The following PDE4D variants were observed in gnomAD, a reference collection of about 807,000 sequenced individuals.
PDE4D encodes the protein phosphodiesterase 4D, also known as 3',5'-cyclic-AMP phosphodiesterase 4D.
PDE4D carries 24 observed loss-of-function variants against 87.4 expected under a neutral mutation model. That is an observed-to-expected ratio of 0.27 (90% confidence interval 0.20 to 0.39). PDE4D has a LOEUF of 0.39. PDE4D is among the 10% of genes least tolerant of loss of function. The pLI, the probability that PDE4D is intolerant of heterozygous loss-of-function variation, is 1.00. For synonymous variants in PDE4D, 384 were observed against 383.2 expected (o/e 1.00, Z -0.02); for missense variants, 714 against 1,041.0 (o/e 0.69, Z 4.32).
At chr5:60,306,764 T>C (rs1754534320) in intron 1 of PDE4D, among the ~76,000 whole-genome samples, 1 of 151,976 alleles carries the variant, frequency 6.6e-6, no homozygotes, top group Non-Finnish European at 1.5e-5. Context: ...TAAGAAAACA[T>C]GAAGTGATGA....
At chr5:59,195,689 A>G (rs1002686358) in intron 2 of PDE4D, among the ~76,000 whole-genome samples, 1 of 152,212 alleles carries the variant, frequency 6.6e-6, no homozygotes, top group Non-Finnish European at 1.5e-5. Context: ...CATCTGTAAA[A>G]TGGAGATAAC....
chr5:60,373,528 T>C (rs1486179170), intron 1 of PDE4D, among the ~76,000 whole-genome samples: 1 of 152,226 alleles, frequency 6.6e-6, no homozygotes, highest in Non-Finnish European at 1.5e-5. Flanking sequence ...TAATATCACT[T>C]ATTTTACAAA....
intron 2 of PDE4D, among the ~76,000 whole-genome samples, chr5:60,077,594 G>A (rs573520917): frequency 2.0e-5 from 3 of 152,264 alleles, no homozygotes; most frequent in Admixed American, 2.0e-4. Context: ...GCCATTTCAT[G>A]GGCAGGACCT....
chr5:60,505,162 ACT>A (rs1440968362), intron 1 of PDE4D, among the ~76,000 whole-genome samples: 2 of 152,224 alleles, frequency 1.3e-5, no homozygotes, highest in Admixed American at 1.3e-4. Flanking sequence ...GAAAAGGTTG[ACT>A]TTTTCACAAT....
At chr5:59,772,944 T>C (rs1561640554) in intron 1 of PDE4D, among the ~76,000 whole-genome samples, 2 of 152,308 alleles carry the variant, frequency 1.3e-5, no homozygotes, top group Middle Eastern at 3.4e-3. Context: ...GTTCCAGATC[T>C]GTGAAATAGG....
intron 3 of PDE4D, among the ~76,000 whole-genome samples, chr5:59,923,910 G>C (rs923227406): frequency 1.3e-5 from 2 of 152,140 alleles, no homozygotes; most frequent in African/African-American, 4.8e-5. Context: ...GACCAATCCT[G>C]GAAAGACAGA....
chr5:59,644,875 G>A (rs1308727245), intron 1 of PDE4D, among the ~76,000 whole-genome samples: 1 of 152,040 alleles, frequency 6.6e-6, no homozygotes, highest in Non-Finnish European at 1.5e-5. Context: ...ATTAATCGAG[G>A]GGAATATTTC....
intron 1 of PDE4D, among the ~76,000 whole-genome samples, chr5:59,232,743 T>C (rs1226311432): frequency 6.6e-6 from 1 of 152,046 alleles, no homozygotes; most frequent in Non-Finnish European, 1.5e-5. Context: ...ATTGCAGTAC[T>C]ATCTACAATA....
intron 1 of PDE4D, among the ~76,000 whole-genome samples, chr5:59,676,098 T>TACACAC (rs145556614): frequency 2.0e-5 from 3 of 149,820 alleles, no homozygotes; most frequent in East Asian, 1.9e-4. Flanking sequence ...TATATGTATA[T>TACACAC]ACACACACAC....
intron 1 of PDE4D, among the ~76,000 whole-genome samples, chr5:59,366,911 C>A (rs1287154970): frequency 2.0e-5 from 3 of 152,130 alleles, no homozygotes; most frequent in Non-Finnish European, 4.4e-5. Context: ...ACAGAGAAAA[C>A]CTAATTTTAG....
At chr5:60,330,006 A>T (rs1757175436) in intron 1 of PDE4D, among the ~76,000 whole-genome samples, 2 of 152,022 alleles carry the variant, frequency 1.3e-5, no homozygotes, top group Admixed American at 1.3e-4. Context: ...CCATTTGCTT[A>T]AGAGAATCAC....
At chr5:59,996,904 T>C (rs1206741361) in intron 2 of PDE4D, among the ~76,000 whole-genome samples, 1 of 152,148 alleles carries the variant, frequency 6.6e-6, no homozygotes, top group Non-Finnish European at 1.5e-5. Context: ...AATCCAAATA[T>C]AGGCTGTGAT....
intron 2 of PDE4D, among the ~76,000 whole-genome samples, chr5:60,086,379 T>C (rs1252201882): frequency 1.3e-5 from 2 of 152,220 alleles, no homozygotes; most frequent in African/African-American, 2.4e-5. Context: ...CTGCTAGATA[T>C]TATAGCTCTT....
chr5:59,229,688 T>C (rs576533044), intron 1 of PDE4D, among the ~76,000 whole-genome samples: 1 of 152,356 alleles, frequency 6.6e-6, no homozygotes, highest in South Asian at 2.1e-4. Context: ...AGCTTGATCT[T>C]CATTAGTTTC....
At chr5:60,498,590 C>T (rs1480931647) in intron 1 of PDE4D, among the ~76,000 whole-genome samples, 1 of 152,208 alleles carries the variant, frequency 6.6e-6, no homozygotes, top group African/African-American at 2.4e-5. Context: ...CAGAGGGCTT[C>T]AGGGACAATG....
At chr5:59,507,363 T>G (rs1326811944) in intron 1 of PDE4D, among the ~76,000 whole-genome samples, 1 of 151,000 alleles carries the variant, frequency 6.6e-6, no homozygotes, top group Non-Finnish European at 1.5e-5. Context: ...AACAAAACAA[T>G]AAAATGAATA....
At chr5:60,474,970 G>T (rs1483450200) in intron 1 of PDE4D, among the ~76,000 whole-genome samples, 1 of 152,118 alleles carries the variant, frequency 6.6e-6, no homozygotes, top group Non-Finnish European at 1.5e-5. Flanking sequence ...TGCTTGAATG[G>T]CTTTATTTTC....
intron 1 of PDE4D, among the ~76,000 whole-genome samples, chr5:59,731,166 G>T (rs1757311022): frequency 6.6e-6 from 1 of 151,988 alleles, no homozygotes; most frequent in South Asian, 2.1e-4. Flanking sequence ...GCAAGTATAT[G>T]AAATTGTTCT....
At chr5:60,062,572 C>T (rs577776279) in intron 2 of PDE4D, among the ~76,000 whole-genome samples, 89 of 152,148 alleles carry the variant, frequency 5.8e-4, no homozygotes, top group African/African-American at 2.1e-3. Context: ...TGGATAAATA[C>T]CTAGAGGAAT....
Sources: gnomAD v4.1 joint callset for allele counts (sites outside exome capture counted in the v4.1 genomes callset) on GRCh38, gnomAD v4.1.1 for gene constraint, MANE v1.5 for transcripts, NCBI Gene and HGNC (gene_info 2026-07-23, HGNC 2026-07-21) for gene names.